DCK: variants seen among roughly 807,000 people sequenced by gnomAD.
The protein encoded by DCK is deoxyadenosine kinase.
A neutral mutation model predicts 38.3 loss-of-function variants in DCK; 23 were observed. The ratio of observed to expected loss-of-function variants is 0.60; its 90% CI spans 0.43 to 0.85. The LOEUF is 0.85. Ranked by LOEUF, DCK falls within the 40% of genes least tolerant of loss-of-function variation. The pLI, the probability that DCK is intolerant of heterozygous loss-of-function variation, is 0.00. For missense variants in DCK, 259 were observed against 304.4 expected, an observed-to-expected ratio of 0.85 and a Z score of 1.11; for synonymous variants, 108 against 100.6, an observed-to-expected ratio of 1.07 and a Z score of -0.44.
intron 2 of DCK, among the ~76,000 whole-genome samples, chr4:71,008,643 A>G (rs777593053): frequency 2.0e-5 from 3 of 152,176 alleles, no homozygotes; most frequent in African/African-American, 7.2e-5. Context: ...GATTAAACCA[A>G]TGTTGGAAAA....
At position 71,026,713 on chromosome 4, in the gene DCK, T is replaced by C; in HGVS notation, c.714T>C (p.Val238=). The change falls in exon 6 of 7, where the codon GTT becomes GTC. Residue 238 remains valine (V), a synonymous_variant. Coordinates refer to ENST00000286648, the MANE Select transcript of DCK (RefSeq NM_000788.3). Reference sequence around the variant, plus strand: ...AGGTGCCTATCTTAACACTGGATGTTAATGAAGACTTTAAAGACAAATATG... The same window carrying C: ...AGGTGCCTATCTTAACACTGGATGTCAATGAAGACTTTAAAGACAAATATG... The part of the protein sequence containing the change: ...LQEVPILTLD[V]NEDFKDKYES... The C allele has an allele frequency of 6.3e-7, 1 of 1,583,550 alleles. No individual in the cohort carries two copies. The highest frequency in any genetic ancestry group is 8.7e-7 in the Non-Finnish European group (1 of 1,155,628).
intron 2 of DCK, among the ~76,000 whole-genome samples, chr4:70,999,729 T>G (rs531767261): frequency 6.6e-6 from 1 of 152,358 alleles, no homozygotes; most frequent in South Asian, 2.1e-4. Flanking sequence ...TGGTGTGAGA[T>G]GGTATCTCAT....
chr4:70,995,519 C>T (rs1739640753), intron 1 of DCK, among the ~76,000 whole-genome samples: 2 of 150,974 alleles, frequency 1.3e-5, no homozygotes, highest in Non-Finnish European at 3.0e-5. Flanking sequence ...ATCAAGGCCA[C>T]AGTGAGCCAT....
rs1740652112 is a variant in DCK at position 71,030,213 on chromosome 4, CACTT to C, written c.*837_*840del. The C allele has an allele frequency of 6.6e-6, 1 of 152,364 alleles. No individual in the cohort carries two copies. The highest frequency in any genetic ancestry group is 2.4e-5 in the African/African-American group (1 of 41,260). 9.4% of individuals were successfully genotyped at this position (152,364 alleles called of 1,614,324 possible). A position where few individuals can be genotyped will look rare whatever the true frequency, so the allele number is the denominator to read the frequency against. ...AAAGCATCCATTAATTAATGAGACA[CACTT>C]AACTACTTATCTCTAAACCATCTAT... is the stretch of plus-strand genomic sequence containing the variant. On this transcript the variant is annotated 3_prime_UTR_variant, in exon 7 of 7. Coordinates refer to ENST00000286648, the MANE Select transcript of DCK (RefSeq NM_000788.3).
intron 2 of DCK, among the ~76,000 whole-genome samples, chr4:71,009,889 A>G (rs1740041200): frequency 6.6e-6 from 1 of 152,190 alleles, no homozygotes; most frequent in African/African-American, 2.4e-5. Context: ...TTCTTCATCC[A>G]GTAGTCCTTC....
intron 1 of DCK, among the ~76,000 whole-genome samples, chr4:70,996,952 AT>A (rs1336234238): frequency 6.6e-6 from 1 of 152,174 alleles, no homozygotes; most frequent in Non-Finnish European, 1.5e-5. Flanking sequence ...AAATTAATTT[AT>A]TAATTAGCTT....
chr4:71,016,753 C>T (rs984074741), intron 2 of DCK, among the ~76,000 whole-genome samples: 4 of 152,132 alleles, frequency 2.6e-5, no homozygotes, highest in African/African-American at 9.7e-5. Context: ...AAACTGGATC[C>T]CTTCCTTACA....
At chr4:71,001,977 C>G (rs984666712) in intron 2 of DCK, among the ~76,000 whole-genome samples, 19 of 152,234 alleles carry the variant, frequency 1.2e-4, no homozygotes, top group Non-Finnish European at 4.4e-5. Flanking sequence ...TCCTTCAGTT[C>G]TGCTCTGATC....
chr4:71,028,540 A>C (rs1019157294), intron 6 of DCK: 2 of 376,782 alleles, frequency 5.3e-6, no homozygotes, highest in Admixed American at 3.2e-5. Context: ...CAGAGCAATA[A>C]ATAACTCCTA....
In DCK at chr4:71,022,500, G is replaced by T. The variant is rs1285864978; in HGVS notation, c.341G>T (p.Gly114Val). ...AGAGCTCAGCTTGCCTCTCTGAATGGCAAGCTCAAAGATGCAGAGAAACCT... is the reference window on the plus strand; with the variant it reads ...AGAGCTCAGCTTGCCTCTCTGAATGTCAAGCTCAAAGATGCAGAGAAACCT... Reference protein sequence around the residue: ...RIRAQLASLNGKLKDAEKPVL... With the variant: ...RIRAQLASLNVKLKDAEKPVL... Residue 114 changes from glycine (G) to valine (V), a missense_variant, in exon 3 of 7, where the codon GGC becomes GTC. Coordinates refer to ENST00000286648, the MANE Select transcript of DCK (RefSeq NM_000788.3). 3 of 1,606,580 alleles carry T rather than the reference G, an allele frequency of 1.9e-6. No individual in the cohort carries two copies. The highest frequency in any genetic ancestry group is 3.4e-5 in the Admixed American group (2 of 58,598).
At chr4:71,008,313 T>TGGGAA (rs1263210016) in intron 2 of DCK, among the ~76,000 whole-genome samples, 26 of 152,248 alleles carry the variant, frequency 1.7e-4, no homozygotes, top group Non-Finnish European at 3.2e-4. Flanking sequence ...TTTCTCATTT[T>TGGGAA]TGTCATTCTG....
intron 2 of DCK, among the ~76,000 whole-genome samples, chr4:71,019,670 A>C (rs1705855036): frequency 6.6e-6 from 1 of 152,174 alleles, no homozygotes; most frequent in African/African-American, 2.4e-5. Flanking sequence ...TTATCATCTT[A>C]TCCGGTCTGT....
At chr4:71,007,114 A>T (rs969964724) in intron 2 of DCK, among the ~76,000 whole-genome samples, 2 of 152,176 alleles carry the variant, frequency 1.3e-5, no homozygotes, top group Non-Finnish European at 2.9e-5. Flanking sequence ...GGCCTAATTC[A>T]GTACACCCCA....
At position 71,022,311 on chromosome 4, in the gene DCK, A is replaced by G. The variant is rs1258356292; in HGVS notation, c.208-56A>G. On this transcript the variant is annotated intron_variant, in intron 2 of 6. Transcript: ENST00000286648. ...TTATTTTTTAGCCTTAAAAATTAAA[A>G]TAGCCCTATTGACCATTAATTTTGC... The G allele has an allele frequency of 5.3e-6, 5 of 937,070 alleles. No individual in the cohort carries two copies. In the East Asian group the frequency reaches 1.1e-4, roughly 21 times the overall value. 58.0% of individuals were successfully genotyped at this position (937,070 alleles called of 1,614,324 possible).
At chr4:71,022,943 G>T (rs1488458527) in intron 3 of DCK, among the ~76,000 whole-genome samples, 3 of 152,080 alleles carry the variant, frequency 2.0e-5, no homozygotes, top group Non-Finnish European at 2.9e-5. Flanking sequence ...CCCTACTTAT[G>T]CTAGGATTCT....
chr4:71,005,294 CCCACTGTATAA>C (rs2148913744), intron 2 of DCK, among the ~76,000 whole-genome samples: 2 of 151,774 alleles, frequency 1.3e-5, no homozygotes, highest in South Asian at 4.2e-4. Context: ...GTGGGCTGCA[CCCACTGTATAA>C]CCAGTCCCAA....
In DCK at chr4:70,999,099, C is replaced by T. The variant is rs190216182; in HGVS notation, c.207+917C>T. 3.6e-3 allele frequency among the ~76,000 whole-genome samples: 554 copies of T among 152,070 alleles called. 1 individual carries two copies. The highest frequency in any genetic ancestry group is 0.01 in the Middle Eastern group (3 of 292). ...GTTTGTTATGTAGATATACACATGCCATGGTGGTTTGCTGCACCCGTCAAC... is the reference window on the plus strand; with the variant it reads ...GTTTGTTATGTAGATATACACATGCTATGGTGGTTTGCTGCACCCGTCAAC... On this transcript the variant is annotated intron_variant, in intron 2 of 6. Transcript: ENST00000286648.
At chr4:71,006,205 C>T (rs1281132676) in intron 2 of DCK, 1 of 181,270 alleles carries the variant, frequency 5.5e-6, no homozygotes, top group Non-Finnish European at 1.0e-5. Context: ...ACCTTTCAAG[C>T]CTTTTGTCAT....
intron 2 of DCK, among the ~76,000 whole-genome samples, chr4:71,018,222 GT>G (rs1740322785): frequency 6.6e-6 from 1 of 150,906 alleles, no homozygotes; most frequent in Non-Finnish European, 1.5e-5. Flanking sequence ...CGCCTCCCAG[GT>G]TCACATCATT....
Sources: allele counts gnomAD v4.1 joint callset (sites outside exome capture counted in the v4.1 genomes callset), GRCh38; gene constraint gnomAD v4.1.1; transcripts MANE v1.5; gene names NCBI Gene and HGNC (gene_info 2026-07-23, HGNC 2026-07-21).